The following COL9A1 variants were observed in gnomAD, a reference collection of about 807,000 sequenced individuals.
COL9A1 encodes collagen type IX alpha 1 chain, also known as collagen alpha-1(IX) chain.
Under a neutral mutation model 142.6 loss-of-function variants are expected in COL9A1, and 104 were observed. That is an observed-to-expected ratio of 0.73 (90% CI 0.62 to 0.86). COL9A1 has a LOEUF of 0.86. COL9A1 is among the 40% of genes least tolerant of loss of function. The pLI is 0.00. For missense variants in COL9A1, 1,210 were observed against 1,176.6 expected (o/e 1.03, Z -0.42); for synonymous variants, 466 against 396.0 (o/e 1.18, Z -2.10).
chr6:70,268,452 C>A (rs1394132684), intron 17 of COL9A1, among the ~76,000 whole-genome samples: 1 of 152,096 alleles, frequency 6.6e-6, no homozygotes, highest in African/African-American at 2.4e-5. Flanking sequence ...TGGGTTTAAG[C>A]AATCCTCCCA....
At position 70,224,067 on chromosome 6, in the gene COL9A1, G is replaced by A. The variant is rs569590776; in HGVS notation, c.2581+1865C>T. Among the ~76,000 whole-genome samples the A allele has an allele frequency of 2.0e-5, 3 of 152,290 alleles. No individual in the cohort carries two copies. In the South Asian group the frequency reaches 6.2e-4, roughly 32 times the overall value. On this transcript the variant is annotated intron_variant, in intron 37 of 37. Coordinates refer to ENST00000357250, the MANE Select transcript of COL9A1 (RefSeq NM_001851.6). The stretch of plus-strand genomic sequence containing the variant: ...GGAAAACAGAAAGGACAGGTATTAG[G>A]AGTCCCCTGGATCAGGGGGTCCACA...
At chr6:70,296,487 A>C (rs539087146) in intron 4 of COL9A1, among the ~76,000 whole-genome samples, 1 of 152,134 alleles carries the variant, frequency 6.6e-6, no homozygotes, top group East Asian at 1.9e-4. Context: ...TGTCTACTAC[A>C]TGACTCCAGA....
At chr6:70,266,689 T>C in intron 18 of COL9A1, 28 bp downstream of exon 18, 1 of 1,571,868 alleles carries the variant, frequency 6.4e-7, no homozygotes, top group Non-Finnish European at 8.8e-7. Flanking sequence ...TAATCACAAT[T>C]TATCCACTAA....
At position 70,240,899 on chromosome 6, in the gene COL9A1, C is replaced by A. The variant is rs184186983; in HGVS notation, c.2035-166G>T. ...TCCAATCTAGCTGTCAGTGGTTAGT[C>A]CCAATCAGAAAATAGCGGAGAGGAA... On this transcript the variant is annotated intron_variant, in intron 31 of 37. Transcript: ENST00000357250. Among the ~76,000 whole-genome samples, 376 of 152,122 alleles carry A rather than the reference C, an allele frequency of 2.5e-3. 1 individual carries two copies. The highest frequency in any genetic ancestry group is 8.5e-3 in the African/African-American group (351 of 41,510).
rs374036753 is a variant in COL9A1 at position 70,281,449 on chromosome 6, C to T, written c.817G>A (p.Glu273Lys). 10 of 1,612,572 alleles carry T rather than the reference C, an allele frequency of 6.2e-6. No homozygotes were observed. The highest frequency in any genetic ancestry group is 1.6e-4 in the Middle Eastern group (1 of 6,068). The part of the protein sequence containing the change: ...QTTDERGPPG[E>K]QGPPGPPGPP... ...CCCGGAGGCCCGGGAGGACCCTGCT[C>T]ACCCGGGGGACCTCTCTGGCAAAAA... The change falls in exon 8 of 38, where the codon GAG becomes AAG. Residue 273 changes from glutamate (E) to lysine (K), a missense_variant. Physicochemically the swap from Glu to Lys is moderately conservative, Grantham distance 56. Coordinates refer to ENST00000357250, the MANE Select transcript of COL9A1 (RefSeq NM_001851.6).
chr6:70,229,642 CTCA>C (rs1769430173), intron 36 of COL9A1, among the ~76,000 whole-genome samples: 1 of 152,112 alleles, frequency 6.6e-6, no homozygotes, highest in Admixed American at 6.5e-5. Flanking sequence ...TACAGCCTTA[CTCA>C]AAGGGACTTA....
intron 33 of COL9A1, among the ~76,000 whole-genome samples, chr6:70,235,394 A>G (rs1443579125): frequency 6.6e-6 from 1 of 152,186 alleles, no homozygotes; most frequent in African/African-American, 2.4e-5. Flanking sequence ...TGGAGGTTGC[A>G]GTAAGCGGAG....
chr6:70,219,113 A>G (rs542932446), intron 37 of COL9A1, among the ~76,000 whole-genome samples: 73 of 152,324 alleles, frequency 4.8e-4, no homozygotes, highest in African/African-American at 1.7e-3. Flanking sequence ...AAGATCCTTA[A>G]CACCAGATGC....
chr6:70,242,036 C>T lies in COL9A1; in HGVS notation c.1927-1G>A. On this transcript the variant is annotated splice_acceptor_variant, in intron 29 of 37. Transcript: ENST00000357250. LOFTEE classifies it high-confidence loss of function. ...GGAGGCCAGGGCTACCCAGAGAACC[C>T]TGGAAAGCAAAAACAAAGTCCCCGG... 6.3e-7 allele frequency: 1 copy of T among 1,590,224 alleles called. No individual in the cohort carries two copies. Among genetic ancestry groups the T allele is most frequent in the South Asian group, 1.1e-5 (1 of 87,436 alleles).
At chr6:70,278,957 AG>A (rs757953797) in intron 10 of COL9A1, among the ~76,000 whole-genome samples, 1 of 152,234 alleles carries the variant, frequency 6.6e-6, no homozygotes, top group Non-Finnish European at 1.5e-5. Flanking sequence ...GGGACAGATA[AG>A]TCCAGCTTTC....
chr6:70,301,308 G>A (rs1481602271), intron 2 of COL9A1, among the ~76,000 whole-genome samples: 1 of 152,202 alleles, frequency 6.6e-6, no homozygotes, highest in Non-Finnish European at 1.5e-5. Flanking sequence ...CGGCGCTGTG[G>A]CTCACGCCTG....
In COL9A1 at chr6:70,241,957, C is replaced by T; in HGVS notation, c.1998+7G>A. On this transcript the variant is annotated splice_region_variant and intron_variant, in intron 30 of 37. Coordinates refer to ENST00000357250, the MANE Select transcript of COL9A1 (RefSeq NM_001851.6). ...TAAAGAACCTTCTGGAGTGCTGGAG[C>T]TCTTACCCTGTCACCTTTCATTCCA... is the stretch of plus-strand genomic sequence containing the variant. 5.7e-6 allele frequency: 9 copies of T among 1,587,590 alleles called. No individual in the cohort carries two copies. Among genetic ancestry groups the T allele is most frequent in the Non-Finnish European group, 7.7e-6 (9 of 1,164,738 alleles).
intron 10 of COL9A1, 53 bp downstream of exon 10, chr6:70,280,759 C>T: frequency 6.4e-7 from 1 of 1,557,186 alleles, no homozygotes; most frequent in Non-Finnish European, 8.7e-7. Context: ...CACACTTACT[C>T]GTACCCACCA....
chr6:70,232,284 C>G (rs1394041722), intron 36 of COL9A1, among the ~76,000 whole-genome samples: 1 of 152,038 alleles, frequency 6.6e-6, no homozygotes, highest in East Asian at 1.9e-4. Context: ...GATCGTTTAC[C>G]AGATCCCATT....
In COL9A1 at chr6:70,293,575, C is replaced by A. The variant is rs1024268941; in HGVS notation, c.696+592G>T. On this transcript the variant is annotated intron_variant, in intron 5 of 37. Transcript: ENST00000357250. ...GACCAGACATCATATGGCTTTCTAA[C>A]CTCATCTCTCACCACTCTGAAGATA... is the stretch of plus-strand genomic sequence containing the variant. 2.0e-5 allele frequency among the ~76,000 whole-genome samples: 3 copies of A among 150,692 alleles called. No individual in the cohort carries two copies. In the Admixed American group the frequency reaches 2.0e-4, roughly 10 times the overall value.
intron 4 of COL9A1, among the ~76,000 whole-genome samples, chr6:70,298,987 A>G (rs1256804787): frequency 2.6e-5 from 4 of 152,142 alleles, no homozygotes; most frequent in Non-Finnish European, 5.9e-5. Flanking sequence ...ATGCAAGTAA[A>G]TTAAACTTTT....
chr6:70,281,029 C>A lies in COL9A1; in HGVS notation c.887G>T (p.Gly296Val). 6.2e-7 allele frequency: 1 copy of A among 1,612,410 alleles called. No homozygotes were observed. Among genetic ancestry groups the A allele is most frequent in the Non-Finnish European group, 8.5e-7 (1 of 1,179,458 alleles). ...PGIDGIDGDR[G>V]PKGPPGPPGP... is the part of the protein sequence containing the mutation. ...CGGGGGGCCCGGGGGGCCCTTAGGA[C>A]CTCGGTCACCCTGGAGGGGTAGGAG... The change falls in exon 9 of 38, where the codon GGT (glycine) becomes GTT (valine). Residue 296 changes from glycine to valine, a missense_variant. Gly to Val is a moderately radical substitution (Grantham distance 109). Coordinates refer to ENST00000357250, the MANE Select transcript of COL9A1 (RefSeq NM_001851.6).
In COL9A1 at chr6:70,271,693, C is replaced by A. The variant is rs768904572; in HGVS notation, c.1105G>T (p.Ala369Ser). The A allele has an allele frequency of 3.1e-6, 5 of 1,613,882 alleles. No individual in the cohort carries two copies. The African/African-American group carries it at 6.7e-5, about 22-fold the overall frequency. The change falls in exon 14 of 38, where the codon GCA becomes TCA. Residue 369 changes from alanine (A) to serine (S), a missense_variant. Coordinates refer to ENST00000357250, the MANE Select transcript of COL9A1 (RefSeq NM_001851.6). ...CGGCCAAGCTCTCCAGGGAGTCCTGCTGTCCCAGGAGGACCCTGAAGTCAA... is the reference window on the plus strand; with the variant it reads ...CGGCCAAGCTCTCCAGGGAGTCCTGATGTCCCAGGAGGACCCTGAAGTCAA... ...IPGPPGPPGT[A>S]GLPGELGRVG...
At chr6:70,256,956 A>G in intron 20 of COL9A1, 135 bp from the exon 21 acceptor site, 1 of 731,526 alleles carries the variant, frequency 1.4e-6, no homozygotes, top group Non-Finnish European at 2.3e-6. Context: ...GTGATCCCTG[A>G]GGAGTAATTA....
Sources: gnomAD v4.1 joint callset for allele counts (sites outside exome capture counted in the v4.1 genomes callset) on GRCh38, gnomAD v4.1.1 for gene constraint, MANE v1.5 for transcripts, NCBI Gene and HGNC (gene_info 2026-07-23, HGNC 2026-07-21) for gene names.